Variants in SLC2A10 observed in about 807,000 individuals in gnomAD.
SLC2A10 encodes the protein solute carrier family 2 member 10, also known as solute carrier family 2, facilitated glucose transporter member 10.
A neutral mutation model predicts 32.1 loss-of-function variants in SLC2A10; 25 were observed. That is an observed-to-expected ratio of 0.78 (90% CI 0.57 to 1.09). SLC2A10 has a LOEUF of 1.09. Ranked by LOEUF, SLC2A10 falls within the 50% of genes least tolerant of loss-of-function variation. The pLI, the probability that SLC2A10 is intolerant of heterozygous loss-of-function variation, is 0.00. For missense variants in SLC2A10, 673 were observed against 686.5 expected, an observed-to-expected ratio of 0.98 and a Z score of 0.22; for synonymous variants, 332 against 309.6, an observed-to-expected ratio of 1.07 and a Z score of -0.76.
intron 1 of SLC2A10, among the ~76,000 whole-genome samples, chr20:46,722,628 T>A (rs567340011): frequency 6.6e-6 from 1 of 152,376 alleles, no homozygotes; most frequent in African/African-American, 2.4e-5. Flanking sequence ...ATGGCCTCAC[T>A]CTGGCCATGC....
chr20:46,733,843 T>A lies in SLC2A10; in HGVS notation c.*9T>A, dbSNP rs1980429703. ...TCTCTGCGGCCTCCTGAGGAATCCG[T>A]CTGCCTGGAAATTCTGGAACTGTGG... On this transcript the variant is annotated 3_prime_UTR_variant, in exon 5 of 5. Transcript: ENST00000359271. 6.2e-7 allele frequency: 1 copy of A among 1,613,798 alleles called. No individual in the cohort carries two copies. Among genetic ancestry groups the A allele is most frequent in the Non-Finnish European group, 8.5e-7 (1 of 1,179,806 alleles).
At chr20:46,720,226 C>G (rs1448524225) in intron 1 of SLC2A10, among the ~76,000 whole-genome samples, 1 of 152,136 alleles carries the variant, frequency 6.6e-6, no homozygotes, top group African/African-American at 2.4e-5. Flanking sequence ...AAGAAAGAAG[C>G]TTAAGAATGT....
rs1237302426 is a variant in SLC2A10, at chr20:46,736,053, T to C, written c.*2219T>C. ...AATCATGGCCAAATCGCAGTGATAG[T>C]TGACTTTGGATACAAGGTTTGGCAA... On this transcript the variant is annotated 3_prime_UTR_variant, in exon 5 of 5. Transcript: ENST00000359271. 5 of 152,164 alleles carry C rather than the reference T, an allele frequency of 3.3e-5. No individual in the cohort carries two copies. Among genetic ancestry groups the C allele is most frequent in the Non-Finnish European group, 5.9e-5 (4 of 68,040 alleles). 9.4% of individuals were successfully genotyped at this position (152,164 alleles called of 1,614,324 possible). A position where few individuals can be genotyped will look rare whatever the true frequency, so the allele number is the denominator to read the frequency against.
At chr20:46,716,253 A>G (rs1022509581) in intron 1 of SLC2A10, among the ~76,000 whole-genome samples, 7 of 151,656 alleles carry the variant, frequency 4.6e-5, no homozygotes, top group Non-Finnish European at 1.0e-4. Context: ...TCCCGGATTC[A>G]AATGATTCTC....
At chr20:46,710,795 A>T (rs1195146280) in intron 1 of SLC2A10, among the ~76,000 whole-genome samples, 1 of 152,150 alleles carries the variant, frequency 6.6e-6, no homozygotes, top group Non-Finnish European at 1.5e-5. Context: ...CGTGGTGAGA[A>T]GTTCAGATTT....
At position 46,733,972 on chromosome 20, in the gene SLC2A10, CT is replaced by C. The variant is rs1360901594; in HGVS notation, c.*139del. ...TGCCCCCAAAGGTGGTCTGCTTTTGCTGGGGTAAAAAGGATGAAAGTCTGAG... is the reference window on the plus strand; with the variant it reads ...TGCCCCCAAAGGTGGTCTGCTTTTGCGGGGTAAAAAGGATGAAAGTCTGAG... On this transcript the variant is annotated 3_prime_UTR_variant, in exon 5 of 5. Coordinates refer to ENST00000359271, the MANE Select transcript of SLC2A10 (RefSeq NM_030777.4). 5.0e-6 allele frequency: 4 copies of C among 795,810 alleles called. No homozygotes were observed. Among genetic ancestry groups the C allele is most frequent in the Non-Finnish European group, 6.4e-6 (3 of 468,448 alleles). 49.3% of individuals were successfully genotyped at this position (795,810 alleles called of 1,614,324 possible). A position where few individuals can be genotyped will look rare whatever the true frequency, so the allele number is the denominator to read the frequency against.
intron 3 of SLC2A10, among the ~76,000 whole-genome samples, chr20:46,727,505 A>C (rs1980044213): frequency 6.6e-6 from 1 of 151,774 alleles, no homozygotes; most frequent in African/African-American, 2.4e-5. Flanking sequence ...ATTTTTTGTA[A>C]AGACAGGGTT....
chr20:46,731,833 T>TG (rs1980315714), intron 4 of SLC2A10, among the ~76,000 whole-genome samples: 1 of 152,084 alleles, frequency 6.6e-6, no homozygotes, highest in Admixed American at 6.5e-5. Context: ...CAGGAACTAA[T>TG]GGGATAGTCT....
In SLC2A10 at chr20:46,725,840, A is replaced by G. The variant is rs1363454297; in HGVS notation, c.804A>G (p.Ser268=). The part of the protein sequence containing the change: ...FSSVGFHGGS[S]AVLASVGLGA... Reference sequence around the variant, plus strand: ...CCGTTGGTTTCCATGGGGGATCCTCAGCCGTGCTGGCCTCTGTGGGGCTTG... The same window carrying G: ...CCGTTGGTTTCCATGGGGGATCCTCGGCCGTGCTGGCCTCTGTGGGGCTTG... Residue 268 remains serine (S), a synonymous_variant, in exon 2 of 5, where the codon TCA becomes TCG. Coordinates refer to ENST00000359271, the MANE Select transcript of SLC2A10 (RefSeq NM_030777.4). 16 of 1,614,204 alleles carry G rather than the reference A, an allele frequency of 9.9e-6. No homozygotes were observed. Among genetic ancestry groups the G allele is most frequent in the Non-Finnish European group, 1.4e-5 (16 of 1,180,012 alleles).
rs553831434 is a variant in SLC2A10 at position 46,726,919 on chromosome 20, C to G, written c.1344C>G (p.Phe448Leu). The G allele has an allele frequency of 1.2e-6, 2 of 1,614,176 alleles. No homozygotes were observed. Among genetic ancestry groups the G allele is most frequent in the East Asian group, 2.2e-5 (1 of 44,884 alleles). ...CTGTGGAGATACGAGGAAGAGCCTT[C>G]GCCTTCTGCAACAGCTTCAACTGGG... is the stretch of plus-strand genomic sequence containing the variant. ...IYPVEIRGRAFAFCNSFNWAA... is the reference protein window; with the variant it reads ...IYPVEIRGRALAFCNSFNWAA... The change falls in exon 3 of 5, where the codon TTC (phenylalanine) becomes TTG (leucine). Residue 448 changes from phenylalanine (F) to leucine (L), a missense_variant. By Grantham distance (22) the Phe-to-Leu change is conservative. Coordinates refer to ENST00000359271, the MANE Select transcript of SLC2A10 (RefSeq NM_030777.4).
In SLC2A10 at chr20:46,712,638, G is replaced by A. The variant is rs150927082; in HGVS notation, c.4+2898G>A. Among the ~76,000 whole-genome samples the A allele has an allele frequency of 8.7e-4, 121 of 138,562 alleles. No individual in the cohort carries two copies. In the East Asian group the frequency reaches 0.014, roughly 16 times the overall value. The allele number at this position is 138,562 out of a possible 152,430, so 90.9% of individuals were successfully genotyped here. A position where few individuals can be genotyped will look rare whatever the true frequency, so the allele number is the denominator to read the frequency against. Reference sequence around the variant, plus strand: ...TCTTTTTTTCTCTTTCTTTCTTTCTGTCTTCTTTCTTTCTTTTTTTTTTTT... The same window carrying A: ...TCTTTTTTTCTCTTTCTTTCTTTCTATCTTCTTTCTTTCTTTTTTTTTTTT... On this transcript the variant is annotated intron_variant, in intron 1 of 4. Transcript: ENST00000359271.
chr20:46,712,141 T>C (rs1978948514), intron 1 of SLC2A10, among the ~76,000 whole-genome samples: 1 of 152,170 alleles, frequency 6.6e-6, no homozygotes, highest in African/African-American at 2.4e-5. Context: ...TACTGCCCCT[T>C]AGGAGAGTGG....
chr20:46,721,614 G>A (rs528480817), intron 1 of SLC2A10, among the ~76,000 whole-genome samples: 1 of 152,228 alleles, frequency 6.6e-6, no homozygotes, highest in African/African-American at 2.4e-5. Context: ...CAGTGGATTG[G>A]GTAAGCTTCA....
intron 1 of SLC2A10, among the ~76,000 whole-genome samples, chr20:46,724,548 G>A (rs1386588402): frequency 6.6e-6 from 1 of 152,048 alleles, no homozygotes; most frequent in African/African-American, 2.4e-5. Flanking sequence ...ATGGATGGGT[G>A]GTTGAATAGA....
rs201624824 is a variant in SLC2A10 at position 46,726,363 on chromosome 20, TACCCC to T, written c.1288+40_1288+44del. The T allele has an allele frequency of 7.1e-3, 11,367 of 1,597,326 alleles. 315 individuals are homozygous for T. The highest frequency in any genetic ancestry group is 0.057 in the African/African-American group (4,252 of 74,938). ...TCTTGCAGGTGACTCTGGAGACTTC[TACCCC>T]TCCTAGGGGGAAGTTTGGGGACTTC... is the stretch of plus-strand genomic sequence containing the variant. On this transcript the variant is annotated intron_variant, in intron 2 of 4. Transcript: ENST00000359271.
intron 3 of SLC2A10, among the ~76,000 whole-genome samples, chr20:46,728,696 C>A (rs983958176): frequency 2.5e-4 from 37 of 149,448 alleles, no homozygotes; most frequent in African/African-American, 8.9e-4. Flanking sequence ...CGGCTCACTG[C>A]AGCCTTGACC....
rs960654927 is a variant in SLC2A10, at chr20:46,733,768, C to T, written c.1560C>T (p.Ser520=). 6 of 1,613,944 alleles carry T rather than the reference C, an allele frequency of 3.7e-6. No individual in the cohort carries two copies. In the African/African-American group the frequency reaches 8.0e-5, roughly 22 times the overall value. The change falls in exon 5 of 5, where the codon AGC becomes AGT. Residue 520 remains serine (S), a synonymous_variant. Coordinates refer to ENST00000359271, the MANE Select transcript of SLC2A10 (RefSeq NM_030777.4). ...QQFQKRRFTL[S]FGHRQNSTGI... ...CTTTGTCTGACAGGTTCACCCTGAGCTTTGGCCACAGGCAGAACTCCACTG... is the reference window on the plus strand; with the variant it reads ...CTTTGTCTGACAGGTTCACCCTGAGTTTTGGCCACAGGCAGAACTCCACTG...
In SLC2A10 at chr20:46,729,504, G is replaced by T. The variant is rs765696201; in HGVS notation, c.1547+16G>T. On this transcript the variant is annotated intron_variant, in intron 4 of 4. Coordinates refer to ENST00000359271, the MANE Select transcript of SLC2A10 (RefSeq NM_030777.4). ...AGAAGAGACGGTAGGAAGCTGACAGGGTGGGTCTGGGGGAAGAGCTGTAGC... is the reference window on the plus strand; with the variant it reads ...AGAAGAGACGGTAGGAAGCTGACAGTGTGGGTCTGGGGGAAGAGCTGTAGC... The T allele has an allele frequency of 1.1e-5, 17 of 1,613,832 alleles. No individual in the cohort carries two copies. The highest frequency in any genetic ancestry group is 5.3e-5 in the African/African-American group (4 of 74,914).
chr20:46,711,466 C>T (rs1857904369), intron 1 of SLC2A10, among the ~76,000 whole-genome samples: 1 of 152,086 alleles, frequency 6.6e-6, no homozygotes, highest in South Asian at 2.1e-4. Flanking sequence ...CCTCTTAACC[C>T]CCACAGCACA....
Sources: allele counts gnomAD v4.1 joint callset (sites outside exome capture counted in the v4.1 genomes callset), GRCh38; gene constraint gnomAD v4.1.1; transcripts MANE v1.5; gene names NCBI Gene and HGNC (gene_info 2026-07-23, HGNC 2026-07-21).